The following ATF7IP variants were observed in gnomAD, a reference collection of about 807,000 sequenced individuals.
ATF7IP encodes the protein activating transcription factor 7-interacting protein 1.
A neutral mutation model predicts 106.4 loss-of-function variants in ATF7IP; 23 were observed. The ratio of observed to expected loss-of-function variants is 0.22; its 90% CI spans 0.16 to 0.31. ATF7IP has a LOEUF of 0.31. Among genes scored for constraint, ATF7IP ranks in the 10% least tolerant of loss-of-function variants. The probability of loss-of-function intolerance (pLI) is 1.00; values close to 1 mark genes in which losing one functional copy is unlikely to be tolerated. For synonymous variants in ATF7IP, 542 were observed against 539.0 expected, an observed-to-expected ratio of 1.01 and a Z score of -0.08; for missense variants, 1,334 against 1,524.3, an observed-to-expected ratio of 0.88 and a Z score of 2.08.
intron 1 of ATF7IP, among the ~76,000 whole-genome samples, chr12:14,410,948 T>G (rs1940880563): frequency 6.6e-6 from 1 of 152,190 alleles, no homozygotes; most frequent in Non-Finnish European, 1.5e-5. Flanking sequence ...TGTAGTAGCA[T>G]GTACAGTACT....
chr12:14,405,146 ATTCTTT>A (rs1940489214), intron 1 of ATF7IP, among the ~76,000 whole-genome samples: 4 of 152,024 alleles, frequency 2.6e-5, no homozygotes, highest in African/African-American at 7.2e-5. Context: ...GTGCTGGTTC[ATTCTTT>A]GTTGTATGCC....
intron 13 of ATF7IP, among the ~76,000 whole-genome samples, chr12:14,484,153 G>T (rs533992930): frequency 2.0e-5 from 3 of 152,268 alleles, no homozygotes; most frequent in South Asian, 4.1e-4. Context: ...GTTGGTCTCT[G>T]CTGCTGGCAA....
chr12:14,394,533 T>C (rs1185513011), intron 1 of ATF7IP, among the ~76,000 whole-genome samples: 5 of 152,196 alleles, frequency 3.3e-5, no homozygotes, highest in Non-Finnish European at 7.3e-5. Context: ...TCAGCAGTAC[T>C]CTCCTTTAGT....
chr12:14,460,679 G>A lies in ATF7IP; in HGVS notation c.2343G>A (p.Leu781=), dbSNP rs1159164813. Residue 781 remains leucine (L), a synonymous_variant, in exon 9 of 15, where the codon TTG becomes TTA. Coordinates refer to ENST00000261168, the MANE Select transcript of ATF7IP (RefSeq NM_018179.5). ...AGCCTACAATCTCTTTACAGCCTTT[G>A]CCAGTGATTTTGCATGTACCTGTTG... ...NPQPTISLQP[L]PVILHVPVAV... is the part of the protein sequence containing the mutation. The A allele has an allele frequency of 6.2e-7, 1 of 1,614,168 alleles. No individual in the cohort carries two copies. The highest frequency in any genetic ancestry group is 1.7e-5 in the Admixed American group (1 of 60,024).
At chr12:14,367,151 C>T (rs1938338196) in intron 1 of ATF7IP, among the ~76,000 whole-genome samples, 1 of 152,066 alleles carries the variant, frequency 6.6e-6, no homozygotes. Flanking sequence ...CAACTGGTTT[C>T]TTGGTTGGTT....
chr12:14,468,620 G>A (rs889259805), intron 10 of ATF7IP, among the ~76,000 whole-genome samples: 1 of 152,130 alleles, frequency 6.6e-6, no homozygotes, highest in Non-Finnish European at 1.5e-5. Context: ...TTTAATATCT[G>A]AGTATAAAAA....
chr12:14,426,842 AAAAAAAAAG>A (rs1321804389), intron 2 of ATF7IP, among the ~76,000 whole-genome samples: 5 of 145,860 alleles, frequency 3.4e-5, no homozygotes, highest in South Asian at 2.2e-4. Context: ...AAAAAAAAAA[AAAAAAAAAG>A]GATGGCTTTT....
rs772549846 is a variant in ATF7IP at position 14,424,570 on chromosome 12, C to T, written c.655C>T (p.Pro219Ser). The T allele has an allele frequency of 1.9e-6, 3 of 1,614,168 alleles. No individual in the cohort carries two copies. The highest frequency in any genetic ancestry group is 2.2e-5 in the South Asian group (2 of 91,082). The part of the protein sequence containing the change: ...PIPGEPVPVE[P>S]ISGDCAADDI... ...CCCAGGTGAACCGGTCCCTGTTGAA[C>T]CCATTTCTGGTGATTGTGCCGCTGA... Residue 219 changes from proline to serine, a missense_variant, in exon 2 of 15, where the codon CCC (proline) becomes TCC (serine). Pro to Ser is a moderately conservative substitution (Grantham distance 74). Coordinates refer to ENST00000261168, the MANE Select transcript of ATF7IP (RefSeq NM_018179.5).
At chr12:14,388,903 A>G (rs1209057727) in intron 1 of ATF7IP, among the ~76,000 whole-genome samples, 4 of 151,988 alleles carry the variant, frequency 2.6e-5, no homozygotes, top group Non-Finnish European at 4.4e-5. Context: ...GCTTCCTGAC[A>G]TGCTGGGATT....
At chr12:14,466,445 T>C (rs1943836204) in intron 9 of ATF7IP, 81 bp from the exon 10 acceptor site, 5 of 1,142,618 alleles carry the variant, frequency 4.4e-6, no homozygotes, top group Non-Finnish European at 6.5e-6. Context: ...TGGAGAAAAC[T>C]ACATGAATTG....
chr12:14,373,053 A>G (rs1938591641), intron 1 of ATF7IP, among the ~76,000 whole-genome samples: 1 of 152,196 alleles, frequency 6.6e-6, no homozygotes, highest in Non-Finnish European at 1.5e-5. Context: ...AAAGAGTTTG[A>G]TGGAACAATA....
At chr12:14,432,152 C>G (rs1347367083) in intron 2 of ATF7IP, among the ~76,000 whole-genome samples, 4 of 152,182 alleles carry the variant, frequency 2.6e-5, no homozygotes, top group Non-Finnish European at 5.9e-5. Context: ...CCAGTTTATT[C>G]TGCTGTGTTC....
At chr12:14,417,831 T>G (rs1941282105) in intron 1 of ATF7IP, among the ~76,000 whole-genome samples, 1 of 152,226 alleles carries the variant, frequency 6.6e-6, no homozygotes, top group Non-Finnish European at 1.5e-5. Flanking sequence ...CAGTTTTTGT[T>G]TAACTATGTT....
chr12:14,460,841 G>A lies in ATF7IP; in HGVS notation c.2505G>A (p.Leu835=). The A allele has an allele frequency of 6.2e-7, 1 of 1,614,112 alleles. No individual in the cohort carries two copies. The highest frequency in any genetic ancestry group is 8.5e-7 in the Non-Finnish European group (1 of 1,179,994). The change falls in exon 9 of 15, where the codon TTG becomes TTA. Residue 835 remains leucine, a synonymous_variant. Coordinates refer to ENST00000261168, the MANE Select transcript of ATF7IP (RefSeq NM_018179.5). ...VSGLTKNPVS[L]PSLPNPTKPN... ...GTCTTACCAAAAATCCAGTATCCTT[G>A]CCATCCTTGCCAAATCCCACTAAAC...
At chr12:14,446,176 C>CT (rs1942947181) in intron 5 of ATF7IP, among the ~76,000 whole-genome samples, 1 of 151,646 alleles carries the variant, frequency 6.6e-6, no homozygotes, top group Non-Finnish European at 1.5e-5. Context: ...GAGACAGAGT[C>CT]TAACTCTGTT....
In ATF7IP at chr12:14,434,365, C is replaced by T. The variant is rs1399809547; in HGVS notation, c.1587C>T (p.Asn529=). 1 of 1,589,850 alleles carries T rather than the reference C, an allele frequency of 6.3e-7. No homozygotes were observed. Among genetic ancestry groups the T allele is most frequent in the South Asian group, 1.1e-5 (1 of 89,300 alleles). ...AAGTAGAAAGTAATGAAAAGGACAA[C>T]AAACCTGAGGAAGAAGAGCAAGTAA... is the stretch of plus-strand genomic sequence containing the variant. ...PAEVESNEKD[N]KPEEEEQVIH... The change falls in exon 3 of 15, where the codon AAC becomes AAT. Residue 529 remains asparagine, a synonymous_variant. Transcript: ENST00000261168.
chr12:14,442,430 CACTCT>C (rs1270159365), intron 5 of ATF7IP, among the ~76,000 whole-genome samples: 1 of 152,180 alleles, frequency 6.6e-6, no homozygotes, highest in Non-Finnish European at 1.5e-5. Context: ...TTCTGCCCTT[CACTCT>C]GGGTATAGTA....
rs1944416201 is a variant in ATF7IP at position 14,481,169 on chromosome 12, G to A, written c.3264G>A (p.Gln1088=). 1.2e-6 allele frequency: 2 copies of A among 1,613,560 alleles called. No individual in the cohort carries two copies. The highest frequency in any genetic ancestry group is 1.1e-5 in the South Asian group (1 of 91,072). ...GTVMQAPAVR[Q]VNPQNSVTVR... is the part of the protein sequence containing the mutation. ...TTATGCAGGCTCCTGCTGTTCGGCA[G>A]GTCAATCCCCAAAATAGTAAGAGAT... Residue 1088 remains glutamine, a synonymous_variant, in exon 13 of 15, where the codon CAG becomes CAA. Coordinates refer to ENST00000261168, the MANE Select transcript of ATF7IP (RefSeq NM_018179.5).
At chr12:14,440,670 T>C (rs1000333948) in intron 5 of ATF7IP, among the ~76,000 whole-genome samples, 6 of 152,224 alleles carry the variant, frequency 3.9e-5, no homozygotes, top group Non-Finnish European at 8.8e-5. Flanking sequence ...TTCATTGTTA[T>C]TTAGTACATT....
Sources: gnomAD v4.1 joint callset for allele counts (sites outside exome capture counted in the v4.1 genomes callset) on GRCh38, gnomAD v4.1.1 for gene constraint, MANE v1.5 for transcripts, NCBI Gene and HGNC (gene_info 2026-07-23, HGNC 2026-07-21) for gene names.